The following IP6K2 variants were observed in gnomAD, a reference collection of about 807,000 sequenced individuals.
IP6K2 encodes the protein inositol hexakisphosphate kinase 2.
IP6K2 carries 9 observed loss-of-function variants against 43.3 expected under a neutral mutation model. The observed-to-expected ratio is 0.21, with a 90% CI of 0.13 to 0.36. IP6K2 has a LOEUF of 0.36. Among genes scored for constraint, IP6K2 ranks in the 10% least tolerant of loss-of-function variants. The pLI is 1.00. For missense variants in IP6K2, 332 were observed against 538.4 expected, an observed-to-expected ratio of 0.62 and a Z score of 3.79; for synonymous variants, 209 against 202.4, an observed-to-expected ratio of 1.03 and a Z score of -0.28.
chr3:48,701,521 C>T (rs181436692), intron 1 of IP6K2, among the ~76,000 whole-genome samples: 21 of 117,462 alleles, frequency 1.8e-4, no homozygotes, highest in African/African-American at 6.3e-4. Context: ...GAGCCGAGAT[C>T]GTGCCAGTGC....
intron 1 of IP6K2, among the ~76,000 whole-genome samples, chr3:48,712,961 C>T (rs1340057651): frequency 2.0e-5 from 3 of 151,698 alleles, no homozygotes; most frequent in Non-Finnish European, 4.4e-5. Context: ...TGCAATGAGC[C>T]GAGATCGCGC....
At chr3:48,704,273 T>C (rs560597426) in intron 1 of IP6K2, among the ~76,000 whole-genome samples, 1 of 152,248 alleles carries the variant, frequency 6.6e-6, no homozygotes, top group South Asian at 2.1e-4. Flanking sequence ...GAAAACTCCA[T>C]AAAAATCAAG....
intron 1 of IP6K2, among the ~76,000 whole-genome samples, chr3:48,714,611 T>G (rs556759497): frequency 4.6e-5 from 7 of 152,164 alleles, no homozygotes; most frequent in Non-Finnish European, 7.3e-5. Flanking sequence ...CAGGCTGGTC[T>G]TGAACTCCTG....
intron 2 of IP6K2, chr3:48,694,749 T>C (rs945640827): frequency 6.6e-7 from 1 of 1,516,084 alleles, no homozygotes; most frequent in Non-Finnish European, 8.8e-7. Flanking sequence ...GCAAGTATTC[T>C]GGGTAAAATC....
intron 3 of IP6K2, among the ~76,000 whole-genome samples, 198 bp from the exon 4 acceptor site, chr3:48,691,680 G>C (rs1279162699): frequency 6.6e-6 from 1 of 151,994 alleles, no homozygotes; most frequent in African/African-American, 2.4e-5. Flanking sequence ...GCCAGGCGTG[G>C]TGGTGTGCTC....
Position 48,688,919 on chromosome 3 carries a change from A to G in IP6K2, c.781-146T>C. 2.3e-6 allele frequency: 2 copies of G among 883,072 alleles called. No individual in the cohort carries two copies. Among genetic ancestry groups the G allele is most frequent in the Non-Finnish European group, 3.4e-6 (2 of 591,754 alleles). The allele number at this position is 883,072 out of a possible 1,614,324, so 54.7% of individuals were successfully genotyped here. On this transcript the variant is annotated intron_variant, in intron 5 of 5. Coordinates refer to ENST00000328631, the MANE Select transcript of IP6K2 (RefSeq NM_016291.4). This position sits in a 1 kb window ranked among gnomAD's most constrained non-coding sequence, Gnocchi z 5.1. Reference sequence around the variant, plus strand: ...AGTTGCACATGAGCCACTGTCCACTATGCTCTCTGATCAGCCCCCACCTGG... The same window carrying G: ...AGTTGCACATGAGCCACTGTCCACTGTGCTCTCTGATCAGCCCCCACCTGG...
chr3:48,706,591 T>G (rs1416170924), intron 1 of IP6K2, among the ~76,000 whole-genome samples: 1 of 152,130 alleles, frequency 6.6e-6, no homozygotes, highest in Non-Finnish European at 1.5e-5. Context: ...GGCTCAGGCT[T>G]GTAAAAGTAG....
chr3:48,688,140 G>T lies in IP6K2; in HGVS notation c.*133C>A, dbSNP rs968557263. The T allele has an allele frequency of 4.0e-5, 36 of 895,938 alleles. No individual in the cohort carries two copies. Among genetic ancestry groups the T allele is most frequent in the Non-Finnish European group, 6.0e-5 (34 of 568,612 alleles). 55.5% of individuals were successfully genotyped at this position (895,938 alleles called of 1,614,324 possible). On this transcript the variant is annotated 3_prime_UTR_variant, in exon 6 of 6. Coordinates refer to ENST00000328631, the MANE Select transcript of IP6K2 (RefSeq NM_016291.4). The surrounding 1 kb of genome is among the most constrained non-coding windows in gnomAD (Gnocchi z 5.1). ...ACAGCTGGGACTGGCTCAGGCTGGG[G>T]CTCACAGAGGCCACTGCACATCAGC...
chr3:48,699,743 G>A (rs2078823328), intron 1 of IP6K2: 1 of 152,176 alleles, frequency 6.6e-6, no homozygotes, highest in Admixed American at 6.5e-5. Flanking sequence ...CAATAGCGTG[G>A]AGAAAGACTC....
chr3:48,703,002 T>C (rs977601821), intron 1 of IP6K2, among the ~76,000 whole-genome samples: 1 of 152,248 alleles, frequency 6.6e-6, no homozygotes, highest in Non-Finnish European at 1.5e-5. Context: ...ATTATTAAAA[T>C]GTGGCCTGCT....
chr3:48,715,267 CT>C, intron 1 of IP6K2: 1 of 1,534,906 alleles, frequency 6.5e-7, no homozygotes, highest in Non-Finnish European at 8.7e-7. Context: ...AGGGAAAATT[CT>C]TCCCCAGTGC....
chr3:48,708,702 A>C (rs904049531), intron 1 of IP6K2, among the ~76,000 whole-genome samples: 1 of 152,122 alleles, frequency 6.6e-6, no homozygotes, highest in Non-Finnish European at 1.5e-5. Flanking sequence ...GACTAAAGCC[A>C]AAATTGCTTA....
At chr3:48,697,119 C>T (rs903354495) in intron 1 of IP6K2, among the ~76,000 whole-genome samples, 1 of 150,980 alleles carries the variant, frequency 6.6e-6, no homozygotes, top group African/African-American at 2.4e-5. Context: ...CTCCCAGGTT[C>T]ACGTCATTCT....
intron 2 of IP6K2, chr3:48,694,047 C>G: frequency 2.4e-5 from 34 of 1,432,474 alleles, no homozygotes; most frequent in Non-Finnish European, 3.1e-5. Context: ...ATCACTCAAT[C>G]TGCTCAGTCC....
chr3:48,693,594 C>T, intron 2 of IP6K2: 1 of 1,165,034 alleles, frequency 8.6e-7, no homozygotes, highest in South Asian at 1.9e-5. Context: ...TAAAGCAGAG[C>T]CTGAATACAG....
chr3:48,693,056 T>C lies in IP6K2; in HGVS notation c.326A>G (p.Lys109Arg). 6.2e-7 allele frequency: 1 copy of C among 1,614,232 alleles called. No individual in the cohort carries two copies. The highest frequency in any genetic ancestry group is 1.3e-5 in the African/African-American group (1 of 75,070). ...TTTGTTTGTTGTCCACCTTAGGAGC[T>C]TACTTTTTGGTTCACAGTCTGAATT... ...VDNSDCEPKS[K>R]LLRWTTNKKH... is the part of the protein sequence containing the mutation. Residue 109 changes from lysine (K) to arginine (R), a missense_variant, in exon 3 of 6, where the codon AAG (lysine) becomes AGG (arginine). Physicochemically the swap from Lys to Arg is conservative, Grantham distance 26. Coordinates refer to ENST00000328631, the MANE Select transcript of IP6K2 (RefSeq NM_016291.4).
At chr3:48,706,823 TAA>T (rs1228531580) in intron 1 of IP6K2, among the ~76,000 whole-genome samples, 4 of 151,948 alleles carry the variant, frequency 2.6e-5, no homozygotes, top group Non-Finnish European at 5.9e-5. Flanking sequence ...CCCAAAAAAA[TAA>T]AAAAGAAAGA....
intron 3 of IP6K2, among the ~76,000 whole-genome samples, chr3:48,692,079 C>T (rs2077850175): frequency 6.6e-6 from 1 of 152,048 alleles, no homozygotes; most frequent in Non-Finnish European, 1.5e-5. Context: ...GTGATCCGCC[C>T]GCCCTGGCGT....
At chr3:48,709,639 C>G (rs1220236973) in intron 1 of IP6K2, among the ~76,000 whole-genome samples, 4 of 152,096 alleles carry the variant, frequency 2.6e-5, no homozygotes, top group Non-Finnish European at 4.4e-5. Flanking sequence ...GAGATCGAGA[C>G]CATCCTGGCT....
Sources: allele counts gnomAD v4.1 joint callset (sites outside exome capture counted in the v4.1 genomes callset), GRCh38; gene constraint gnomAD v4.1.1; non-coding constraint Gnocchi (gnomAD v3.1); transcripts MANE v1.5; gene names NCBI Gene and HGNC (gene_info 2026-07-23, HGNC 2026-07-21).